CSMD1: variants seen among roughly 807,000 people sequenced by gnomAD.
CSMD1 encodes the protein CUB and sushi domain-containing protein 1.
A neutral mutation model predicts 417.5 loss-of-function variants in CSMD1; 213 were observed. That is an observed-to-expected ratio of 0.51 (90% CI 0.46 to 0.57). The LOEUF is 0.57. Among genes scored for constraint, CSMD1 ranks in the 20% least tolerant of loss-of-function variants. CSMD1 has a pLI of 0.00. For synonymous variants in CSMD1, 2,862 were observed against 1,736.8 expected, an observed-to-expected ratio of 1.65 and a Z score of -16.11; for missense variants, 6,923 against 4,529.7, an observed-to-expected ratio of 1.53 and a Z score of -15.17.
At chr8:4,271,030 G>A (rs373386486) in intron 3 of CSMD1, among the ~76,000 whole-genome samples, 2 of 152,210 alleles carry the variant, frequency 1.3e-5, no homozygotes. Context: ...AGTGGGAAGA[G>A]AGTTAAAGAA....
At chr8:3,650,538 T>C (rs1797800390) in intron 7 of CSMD1, among the ~76,000 whole-genome samples, 1 of 152,168 alleles carries the variant, frequency 6.6e-6, no homozygotes, top group African/African-American at 2.4e-5. Flanking sequence ...CAGGCTCCTT[T>C]CCTTGAATCT....
At chr8:4,905,679 G>C (rs951790342) in intron 1 of CSMD1, among the ~76,000 whole-genome samples, 9 of 151,692 alleles carry the variant, frequency 5.9e-5, no homozygotes, top group Non-Finnish European at 1.0e-4. Context: ...AATTAGCCGG[G>C]CGTGGTGGCG....
chr8:4,429,203 G>T (rs1026831115), intron 2 of CSMD1, among the ~76,000 whole-genome samples: 5 of 151,446 alleles, frequency 3.3e-5, no homozygotes, highest in South Asian at 4.2e-4. Flanking sequence ...AAAGGATCAT[G>T]CCTGCCTTAC....
chr8:4,820,429 T>C (rs1799457517), intron 1 of CSMD1, among the ~76,000 whole-genome samples: 1 of 152,032 alleles, frequency 6.6e-6, no homozygotes, highest in Admixed American at 6.6e-5. Flanking sequence ...GAGAGCAAGA[T>C]TAAATAGTAG....
intron 10 of CSMD1, among the ~76,000 whole-genome samples, chr8:3,537,334 T>C (rs1432101963): frequency 2.6e-5 from 4 of 152,234 alleles, no homozygotes; most frequent in African/African-American, 9.6e-5. Context: ...CTCATATTCC[T>C]ATCACCTGTA....
chr8:4,552,249 C>T (rs1427387132), intron 2 of CSMD1, among the ~76,000 whole-genome samples: 1 of 152,122 alleles, frequency 6.6e-6, no homozygotes, highest in Admixed American at 6.5e-5. Context: ...GTTAGTAACT[C>T]ATCTGCTGTG....
At chr8:3,415,630 G>A (rs1394435522) in intron 12 of CSMD1, among the ~76,000 whole-genome samples, 3 of 152,160 alleles carry the variant, frequency 2.0e-5, no homozygotes, top group East Asian at 1.9e-4. Flanking sequence ...AACAGGCTGC[G>A]ATTACAGGCG....
At chr8:3,586,515 A>T (rs538630349) in intron 8 of CSMD1, among the ~76,000 whole-genome samples, 1 of 152,044 alleles carries the variant, frequency 6.6e-6, no homozygotes, top group East Asian at 1.9e-4. Flanking sequence ...TTAACTTGTC[A>T]TGACTAAGAC....
In CSMD1 at chr8:3,721,528, A is replaced by G. The variant is rs536260521; in HGVS notation, c.932-13037T>C. Among the ~76,000 whole-genome samples the G allele has an allele frequency of 5.3e-5, 8 of 152,342 alleles. No homozygotes were observed. The South Asian group carries it at 1.7e-3, about 32-fold the overall frequency. ...TACAGCATTCTAGAGCATGGCACAA[A>G]GAGAAACATATTCTTAGGATTTTTA... On this transcript the variant is annotated intron_variant, in intron 6 of 69. Transcript: ENST00000635120.
In CSMD1 at chr8:3,990,656, G is replaced by A. The variant is rs142707566; in HGVS notation, c.818+7247C>T. On this transcript the variant is annotated intron_variant, in intron 5 of 69. Coordinates refer to ENST00000635120, the MANE Select transcript of CSMD1 (RefSeq NM_033225.6). ...TTTACTTAACCCGAATTAAAGGATT[G>A]CTCTAGAATGCTATTTCTAGAATTT... Among the ~76,000 whole-genome samples, 695 of 152,282 alleles carry A rather than the reference G, an allele frequency of 4.6e-3. 5 individuals carry two copies. Among genetic ancestry groups the A allele is most frequent in the African/African-American group, 0.016 (670 of 41,554 alleles).
In CSMD1 at chr8:4,298,924, A is replaced by G. The variant is rs145422561; in HGVS notation, c.415+121029T>C. Among the ~76,000 whole-genome samples, 215 of 152,220 alleles carry G rather than the reference A, an allele frequency of 1.4e-3. 1 individual carries two copies. Among genetic ancestry groups the G allele is most frequent in the African/African-American group, 5.0e-3 (208 of 41,566 alleles). ...CATATATATGTATATATACACACATAAATACATAAACACACAATACATATA... is the reference window on the plus strand; with the variant it reads ...CATATATATGTATATATACACACATGAATACATAAACACACAATACATATA... On this transcript the variant is annotated intron_variant, in intron 3 of 69. Coordinates refer to ENST00000635120, the MANE Select transcript of CSMD1 (RefSeq NM_033225.6).
intron 2 of CSMD1, among the ~76,000 whole-genome samples, chr8:4,441,721 G>A (rs1189494306): frequency 1.3e-5 from 2 of 152,012 alleles, no homozygotes; most frequent in Non-Finnish European, 2.9e-5. Context: ...AGGTACAGGA[G>A]ATAAATGAAA....
chr8:3,133,725 G>A (rs1817921722), intron 41 of CSMD1, among the ~76,000 whole-genome samples: 1 of 152,172 alleles, frequency 6.6e-6, no homozygotes. Flanking sequence ...ACCTCTCGCT[G>A]GCTCAGGACC....
intron 37 of CSMD1, 85 bp downstream of exon 37, chr8:3,181,025 T>A: frequency 3.6e-6 from 3 of 824,472 alleles, no homozygotes; most frequent in Middle Eastern, 2.3e-4. Context: ...TATTTCACTG[T>A]TTAATAAGAG....
chr8:3,969,637 C>T (rs1202189063), intron 5 of CSMD1, among the ~76,000 whole-genome samples: 6 of 152,118 alleles, frequency 3.9e-5, no homozygotes, highest in African/African-American at 1.4e-4. Context: ...TAAGAAAATG[C>T]TACCACATTT....
intron 8 of CSMD1, among the ~76,000 whole-genome samples, chr8:3,607,922 C>A (rs1204681149): frequency 6.6e-6 from 1 of 152,144 alleles, no homozygotes; most frequent in African/African-American, 2.4e-5. Flanking sequence ...GTAATCCCAG[C>A]ACTTTGGGAG....
chr8:4,550,350 C>A (rs1008025500), intron 2 of CSMD1, among the ~76,000 whole-genome samples: 1 of 151,664 alleles, frequency 6.6e-6, no homozygotes. Flanking sequence ...CACACACACA[C>A]ACACACACAC....
At chr8:2,960,498 G>A (rs1803361984) in intron 62 of CSMD1, among the ~76,000 whole-genome samples, 2 of 152,140 alleles carry the variant, frequency 1.3e-5, no homozygotes, top group Non-Finnish European at 2.9e-5. Context: ...TACTTAAGAT[G>A]GTTAAAACAT....
At chr8:3,559,693 T>A (rs1053426104) in intron 10 of CSMD1, among the ~76,000 whole-genome samples, 6 of 152,202 alleles carry the variant, frequency 3.9e-5, no homozygotes, top group African/African-American at 1.4e-4. Flanking sequence ...ATATCATGTT[T>A]AAAATAATGA....
Sources: gnomAD v4.1 joint callset for allele counts (sites outside exome capture counted in the v4.1 genomes callset) on GRCh38, gnomAD v4.1.1 for gene constraint, MANE v1.5 for transcripts, NCBI Gene and HGNC (gene_info 2026-07-23, HGNC 2026-07-21) for gene names.